The following MAP3K3 variants were observed in gnomAD, a reference collection of about 807,000 sequenced individuals.
MAP3K3 encodes the protein MAP/ERK kinase kinase 3.
Under a neutral mutation model 80.9 loss-of-function variants are expected in MAP3K3, and 12 were observed. The observed-to-expected ratio is 0.15, with a 90% CI of 0.10 to 0.24. MAP3K3 has a LOEUF of 0.24. MAP3K3 is among the 10% of genes least tolerant of loss of function. MAP3K3 has a pLI of 1.00. For missense variants in MAP3K3, 596 were observed against 834.7 expected (o/e 0.71, Z 3.52); for synonymous variants, 272 against 307.1 (o/e 0.89, Z 1.19).
At chr17:63,639,465 T>C (rs2143239383) in intron 2 of MAP3K3, among the ~76,000 whole-genome samples, 1 of 152,304 alleles carries the variant, frequency 6.6e-6, no homozygotes, top group Middle Eastern at 3.4e-3. Flanking sequence ...CTTTGAGTGA[T>C]AGCAGAGAAT....
In MAP3K3 at chr17:63,694,435, C is replaced by A. The variant is rs140222424; in HGVS notation, c.*658C>A. On this transcript the variant is annotated 3_prime_UTR_variant, in exon 16 of 16. Coordinates refer to ENST00000361733, the MANE Select transcript of MAP3K3 (RefSeq NM_002401.5). ...ACCCTGCCTCTCCCAGGCAGGGGCCCGCGATGTGGAACTGCTGCCACTGAG... is the reference window on the plus strand; with the variant it reads ...ACCCTGCCTCTCCCAGGCAGGGGCCAGCGATGTGGAACTGCTGCCACTGAG... 1 of 152,704 alleles carries A rather than the reference C, an allele frequency of 6.5e-6. No homozygotes were observed. Among genetic ancestry groups the A allele is most frequent in the Non-Finnish European group, 1.5e-5 (1 of 68,086 alleles). The allele number at this position is 152,704 out of a possible 1,614,324, so 9.5% of individuals were successfully genotyped here.
At chr17:63,690,477 C>G in intron 12 of MAP3K3, 65 bp downstream of exon 12, 1 of 1,552,630 alleles carries the variant, frequency 6.4e-7, no homozygotes, top group Non-Finnish European at 8.8e-7. Context: ...TCTTACCACA[C>G]AGAGTAGTTG....
At chr17:63,675,006 T>G (rs967466957) in intron 6 of MAP3K3, among the ~76,000 whole-genome samples, 4 of 152,196 alleles carry the variant, frequency 2.6e-5, no homozygotes, top group Non-Finnish European at 5.9e-5. Flanking sequence ...GTAGTGACCA[T>G]ACACTTGGAA....
chr17:63,630,983 G>A (rs2034203869), intron 1 of MAP3K3, among the ~76,000 whole-genome samples: 1 of 152,058 alleles, frequency 6.6e-6, no homozygotes. Context: ...CTAGGAAGAG[G>A]GGAGAGGCAA....
At chr17:63,690,232 C>G in intron 11 of MAP3K3, 32 bp from the exon 12 acceptor site, 2 of 1,603,564 alleles carry the variant, frequency 1.2e-6, no homozygotes, top group Non-Finnish European at 1.7e-6. Context: ...ATAATGTACA[C>G]AAAGTAACTC....
chr17:63,647,475 T>C (rs2034563606), intron 3 of MAP3K3, among the ~76,000 whole-genome samples: 1 of 152,134 alleles, frequency 6.6e-6, no homozygotes, highest in Non-Finnish European at 1.5e-5. Context: ...GTTCCCAAAG[T>C]GGTATGCAGT....
In MAP3K3 at chr17:63,665,299, G is replaced by C. The variant is rs531603473; in HGVS notation, c.382-1641G>C. ...TTCTGCCTCAGCCTCCTGAGTAGCT[G>C]GGACTACAGGTGCCTGCCACCACGC... On this transcript the variant is annotated intron_variant, in intron 5 of 15. Transcript: ENST00000361733. Among the ~76,000 whole-genome samples the C allele has an allele frequency of 4.7e-4, 71 of 152,066 alleles. 1 individual carries two copies. The highest frequency in any genetic ancestry group is 9.6e-4 in the Non-Finnish European group (65 of 67,968).
intron 5 of MAP3K3, among the ~76,000 whole-genome samples, chr17:63,658,945 A>C (rs2034828795): frequency 6.6e-6 from 1 of 152,176 alleles, no homozygotes; most frequent in Non-Finnish European, 1.5e-5. Flanking sequence ...CATGTTCGTC[A>C]GGCTGGTCTC....
At chr17:63,665,120 T>G (rs925938589) in intron 5 of MAP3K3, among the ~76,000 whole-genome samples, 3 of 151,582 alleles carry the variant, frequency 2.0e-5, no homozygotes, top group African/African-American at 7.3e-5. Flanking sequence ...CTGACCAACA[T>G]GGAGAAACCC....
chr17:63,650,670 G>C (rs2034633231), intron 3 of MAP3K3, among the ~76,000 whole-genome samples: 1 of 145,602 alleles, frequency 6.9e-6, no homozygotes, highest in African/African-American at 2.7e-5. Context: ...GAGAGAGAGA[G>C]AGAGAGAGAG....
chr17:63,646,347 A>G (rs1049474006), intron 3 of MAP3K3, among the ~76,000 whole-genome samples: 3 of 152,176 alleles, frequency 2.0e-5, no homozygotes, highest in African/African-American at 7.2e-5. Flanking sequence ...TTTATTAGGA[A>G]GTGAGGACTC....
chr17:63,634,760 A>C (rs1212686077), intron 2 of MAP3K3: 2 of 1,614,034 alleles, frequency 1.2e-6, no homozygotes, highest in Non-Finnish European at 1.7e-6. Context: ...CACAGTAACA[A>C]CAAGCTCATG....
chr17:63,693,708 T>C lies in MAP3K3; in HGVS notation c.1812T>C (p.Phe604=). 1 of 1,605,164 alleles carries C rather than the reference T, an allele frequency of 6.2e-7. No homozygotes were observed. The highest frequency in any genetic ancestry group is 8.5e-7 in the Non-Finnish European group (1 of 1,174,182). Residue 604 remains phenylalanine (F), a synonymous_variant, in exon 16 of 16, where the codon TTT becomes TTC. Coordinates refer to ENST00000361733, the MANE Select transcript of MAP3K3 (RefSeq NM_002401.5). The surrounding 1 kb of genome is among the most constrained non-coding windows in gnomAD (Gnocchi z 4.2). ...GCCGGGACTTCCTGAGGCGCATTTTTGTGGAGGCTCGCCAGAGACCTTCAG... is the reference window on the plus strand; with the variant it reads ...GCCGGGACTTCCTGAGGCGCATTTTCGTGGAGGCTCGCCAGAGACCTTCAG... ...EHGRDFLRRI[F]VEARQRPSAE... is the part of the protein sequence containing the mutation.
chr17:63,642,215 G>T (rs2034456958), intron 2 of MAP3K3, among the ~76,000 whole-genome samples: 1 of 152,198 alleles, frequency 6.6e-6, no homozygotes, highest in Admixed American at 6.5e-5. Flanking sequence ...TTAAGTAGCA[G>T]TGATTTGTGG....
rs201376513 is a variant in MAP3K3 at position 63,690,389 on chromosome 17, C to G, written c.1189C>G (p.Pro397Ala). The change falls in exon 12 of 16, where the codon CCA (proline) becomes GCA (alanine). Residue 397 changes from proline (P) to alanine (A), a missense_variant. Pro to Ala is a conservative substitution (Grantham distance 27). Transcript: ENST00000361733. ...ELASKQVQFD[P>A]DSPETSKEVS... is the part of the protein sequence containing the mutation. ...TGCTTCCAAGCAGGTCCAATTTGAT[C>G]CAGACAGTCCTGAGACAAGCAAGGT... The G allele has an allele frequency of 1.9e-4, 311 of 1,614,020 alleles. 1 individual carries two copies. The highest frequency in any genetic ancestry group is 8.8e-5 in the South Asian group (8 of 91,082).
chr17:63,684,680 C>T (rs2035410640), intron 7 of MAP3K3, among the ~76,000 whole-genome samples: 1 of 152,108 alleles, frequency 6.6e-6, no homozygotes, highest in African/African-American at 2.4e-5. Flanking sequence ...TAAACAGAAA[C>T]AAGATCTCAC....
intron 3 of MAP3K3, among the ~76,000 whole-genome samples, chr17:63,647,111 G>A (rs1401945095): frequency 3.9e-5 from 6 of 152,178 alleles, no homozygotes; most frequent in Non-Finnish European, 8.8e-5. Flanking sequence ...GCTGGCTCCA[G>A]AGGAGACCTG....
chr17:63,647,961 T>A lies in MAP3K3; in HGVS notation c.167+1887T>A, dbSNP rs1039655151. ...GGTATTCATTCTGGTGGGCTGACTT[T>A]CCCTTTACTTTGAGAATATGGGGAC... is the stretch of plus-strand genomic sequence containing the variant. On this transcript the variant is annotated intron_variant, in intron 3 of 15. Coordinates refer to ENST00000361733, the MANE Select transcript of MAP3K3 (RefSeq NM_002401.5). Among the ~76,000 whole-genome samples, 4 of 152,244 alleles carry A rather than the reference T, an allele frequency of 2.6e-5. No individual in the cohort carries two copies. The East Asian group carries it at 7.7e-4, about 29-fold the overall frequency.
intron 6 of MAP3K3, among the ~76,000 whole-genome samples, chr17:63,681,047 A>T (rs2035321639): frequency 6.6e-6 from 1 of 151,928 alleles, no homozygotes. Flanking sequence ...AAAGCACCAC[A>T]TAAATGCAAG....
Sources: allele counts gnomAD v4.1 joint callset (sites outside exome capture counted in the v4.1 genomes callset), GRCh38; gene constraint gnomAD v4.1.1; non-coding constraint Gnocchi (gnomAD v3.1); transcripts MANE v1.5; gene names NCBI Gene and HGNC (gene_info 2026-07-23, HGNC 2026-07-21).